Variants in SRRM1 observed in about 807,000 individuals in gnomAD.
The protein encoded by SRRM1 is serine and arginine repetitive matrix 1.
In SRRM1, 19 loss-of-function variants were observed where a neutral mutation model predicts 110.2. The ratio of observed to expected loss-of-function variants is 0.17; its 90% CI spans 0.12 to 0.25. SRRM1 has a LOEUF of 0.25. Ranked by LOEUF, SRRM1 falls within the 10% of genes least tolerant of loss-of-function variation. The pLI is 1.00. For synonymous variants in SRRM1, 443 were observed against 414.9 expected (o/e 1.07, Z -0.82); for missense variants, 918 against 1,145.8 (o/e 0.80, Z 2.87).
At chr1:24,646,913 G>T (rs1657995635) in intron 3 of SRRM1, 124 bp downstream of exon 3, 3 of 791,160 alleles carry the variant, frequency 3.8e-6, no homozygotes, top group Non-Finnish European at 5.7e-6. Context: ...GTTGTGAAAA[G>T]AATTCACTTT....
chr1:24,661,954 C>T (rs111772787), intron 11 of SRRM1, among the ~76,000 whole-genome samples: 5,301 of 152,052 alleles, frequency 0.035, 284 homozygotes, highest in African/African-American at 0.12. Flanking sequence ...GGCATAGTGG[C>T]GCACACCTGT....
At position 24,650,051 on chromosome 1, in the gene SRRM1, C is replaced by G. The variant is rs1659727288; in HGVS notation, c.486C>G (p.Ser162Arg). 6.3e-7 allele frequency: 1 copy of G among 1,590,878 alleles called. No homozygotes were observed. Among genetic ancestry groups the G allele is most frequent in the African/African-American group, 1.3e-5 (1 of 74,078 alleles). ...DKRDKEEKES[S>R]REKRERSRSP... ...GAGATAAGGAAGAAAAAGAAAGCAG[C>G]AGAGAAAAAAGGGAGCGGTCTCGTA... The change falls in exon 5 of 17, where the codon AGC (serine) becomes AGG (arginine). Residue 162 changes from serine to arginine, a missense_variant. By Grantham distance (110) the Ser-to-Arg change is moderately radical. Around this residue, in one of 5 missense-constraint regions of SRRM1, gnomAD observed 456 missense variants for 453.5 expected, o/e 1.01. Coordinates refer to ENST00000323848, the MANE Select transcript of SRRM1 (RefSeq NM_005839.4).
At chr1:24,644,313 G>C (rs1411429482) in intron 1 of SRRM1, among the ~76,000 whole-genome samples, 2 of 152,190 alleles carry the variant, frequency 1.3e-5, no homozygotes, top group Non-Finnish European at 2.9e-5. Context: ...CACAGGACTA[G>C]AGTTGAGCAC....
Position 24,650,014 on chromosome 1 carries a change from A to G in SRRM1, c.449A>G (p.Asp150Gly), listed in dbSNP as rs1439722378. ...KLASMKKQDE[D>G]KDKRDKEEKE... ...GCATCTATGAAAAAGCAAGATGAAG[A>G]CAAAGATAAAAGAGATAAGGAAGAA... is the stretch of plus-strand genomic sequence containing the variant. The change falls in exon 5 of 17, where the codon GAC becomes GGC. Residue 150 changes from aspartate (D) to glycine (G), a missense_variant. Coordinates refer to ENST00000323848, the MANE Select transcript of SRRM1 (RefSeq NM_005839.4). 1 of 1,597,744 alleles carries G rather than the reference A, an allele frequency of 6.3e-7. No individual in the cohort carries two copies. Among genetic ancestry groups the G allele is most frequent in the Admixed American group, 1.7e-5 (1 of 57,398 alleles).
Position 24,673,193 on chromosome 1 carries a change from T to G in SRRM1, c.*907T>G, listed in dbSNP as rs1002032260. The G allele has an allele frequency of 1.4e-5, 2 of 138,266 alleles. No individual in the cohort carries two copies. Among genetic ancestry groups the G allele is most frequent in the East Asian group, 2.2e-4 (1 of 4,520 alleles). The allele number at this position is 138,266 out of a possible 1,614,324, so 8.6% of individuals were successfully genotyped here. On this transcript the variant is annotated 3_prime_UTR_variant, in exon 17 of 17. Coordinates refer to ENST00000323848, the MANE Select transcript of SRRM1 (RefSeq NM_005839.4). The stretch of plus-strand genomic sequence containing the variant: ...TCACTGTTTTTGTTTTGATTTTTTT[T>G]TTGTTTTGATTTTTTTTAAACTAAA...
rs139001382 is a variant in SRRM1, at chr1:24,669,140, C to A, written c.1757C>A (p.Pro586Gln). 5.0e-6 allele frequency: 8 copies of A among 1,607,678 alleles called. No homozygotes were observed. Among genetic ancestry groups the A allele is most frequent in the South Asian group, 2.2e-5 (2 of 90,940 alleles). The change falls in exon 14 of 17, where the codon CCA becomes CAA. Residue 586 changes from proline (P) to glutamine (Q), a missense_variant. Transcript: ENST00000323848. Reference sequence around the variant, plus strand: ...TTTCCTAGGACTCCTTCTCCTCCCCCACGTCGGCGCTCACCTTCTCCTAGA... The same window carrying A: ...TTTCCTAGGACTCCTTCTCCTCCCCAACGTCGGCGCTCACCTTCTCCTAGA... ...PPRRRTPSPPPRRRSPSPRRY... is the reference protein window; with the variant it reads ...PPRRRTPSPPQRRRSPSPRRY...
rs1368330462 is a variant in SRRM1, at chr1:24,670,303, A to G, written c.2388A>G (p.Pro796=). ...AGGCCAAAAGCCCAACACCGAGCCC[A>G]TCACCGCCAAGAGTATGTGTCTGCC... ...VKKAKSPTPS[P]SPPRNSDQEG... is the part of the protein sequence containing the mutation. Residue 796 remains proline (P), a synonymous_variant, in exon 15 of 17, where the codon CCA becomes CCG. Coordinates refer to ENST00000323848, the MANE Select transcript of SRRM1 (RefSeq NM_005839.4). 1.9e-6 allele frequency: 3 copies of G among 1,611,992 alleles called. No homozygotes were observed. The highest frequency in any genetic ancestry group is 2.5e-6 in the Non-Finnish European group (3 of 1,179,330).
At chr1:24,651,294 A>G in intron 5 of SRRM1, 115 bp from the exon 6 acceptor site, 1 of 797,908 alleles carries the variant, frequency 1.3e-6, no homozygotes, top group South Asian at 1.8e-5. Flanking sequence ...TCCATAGGGA[A>G]ACATCTCAGA....
At chr1:24,653,805 G>A (rs182192636) in intron 8 of SRRM1, among the ~76,000 whole-genome samples, 11 of 152,306 alleles carry the variant, frequency 7.2e-5, no homozygotes, top group East Asian at 1.9e-4. Context: ...AAGAAATGCC[G>A]ATGATTAAGC....
Position 24,646,039 on chromosome 1 carries a change from A to G in SRRM1, c.77A>G (p.Lys26Arg). ...RFSNKQKKLLKQLKFAECLEK... is the reference protein window; with the variant it reads ...RFSNKQKKLLRQLKFAECLEK... ...AGCAACAAACAGAAGAAACTACTGA[A>G]GCAGCTGAAATTTGCAGAATGCCTA... The change falls in exon 2 of 17, where the codon AAG becomes AGG. Residue 26 changes from lysine to arginine, a missense_variant. Around this residue, in one of 5 missense-constraint regions of SRRM1, gnomAD observed 38 missense variants for 144.5 expected, o/e 0.26. Transcript: ENST00000323848. The G allele has an allele frequency of 6.2e-7, 1 of 1,613,524 alleles. No homozygotes were observed. Among genetic ancestry groups the G allele is most frequent in the Non-Finnish European group, 8.5e-7 (1 of 1,179,916 alleles).
intron 9 of SRRM1, among the ~76,000 whole-genome samples, chr1:24,658,291 A>G (rs1570901390): frequency 1.3e-5 from 2 of 150,348 alleles, no homozygotes; most frequent in South Asian, 4.2e-4. Flanking sequence ...GCTCACTGCA[A>G]CCTCTGCCTC....
rs1418394756 is a variant in SRRM1, at chr1:24,662,687, A to T, written c.1511A>T (p.Asp504Val). The part of the protein sequence containing the change: ...SDSGSSSSSE[D>V]ERPKRSHVKN... ...TCTGGCTCCTCCTCCTCCTCAGAAG[A>T]TGAACGACCCAAGAGATCCCATGTG... is the stretch of plus-strand genomic sequence containing the variant. Residue 504 changes from aspartate (D) to valine (V), a missense_variant, in exon 12 of 17, where the codon GAT becomes GTT. By Grantham distance (152) the Asp-to-Val change is radical. This residue lies in a region of SRRM1 where 357 missense variants were observed against 402.9 expected (regional missense o/e 0.89). Transcript: ENST00000323848. 2 of 1,613,924 alleles carry T rather than the reference A, an allele frequency of 1.2e-6. No individual in the cohort carries two copies. Among genetic ancestry groups the T allele is most frequent in the African/African-American group, 1.3e-5 (1 of 74,904 alleles).
At chr1:24,646,133 T>C in intron 2 of SRRM1, 60 bp downstream of exon 2, 1 of 1,361,698 alleles carries the variant, frequency 7.3e-7, no homozygotes, top group Non-Finnish European at 1.0e-6. Context: ...ACTCAAGTTC[T>C]GGGGTTGTTT....
intron 12 of SRRM1, among the ~76,000 whole-genome samples, chr1:24,663,931 A>G (rs575993601): frequency 6.7e-6 from 1 of 148,462 alleles, no homozygotes; most frequent in African/African-American, 2.5e-5. Flanking sequence ...AAGCGAATGG[A>G]AGGCTTTGGC....
At position 24,672,986 on chromosome 1, in the gene SRRM1, C is replaced by G. The variant is rs1045297; in HGVS notation, c.*700C>G. 3.3e-5 allele frequency: 5 copies of G among 151,690 alleles called. No individual in the cohort carries two copies. Among genetic ancestry groups the G allele is most frequent in the Non-Finnish European group, 7.4e-5 (5 of 67,946 alleles). 9.4% of individuals were successfully genotyped at this position (151,690 alleles called of 1,614,324 possible). A position where few individuals can be genotyped will look rare whatever the true frequency, so the allele number is the denominator to read the frequency against. On this transcript the variant is annotated 3_prime_UTR_variant, in exon 17 of 17. Coordinates refer to ENST00000323848, the MANE Select transcript of SRRM1 (RefSeq NM_005839.4). ...TTGTTTTTTTTGTTTTGTTTTTTTT[C>G]TTTTGTAAAGGCAATGAGCTAGTCC...
intron 6 of SRRM1, 88 bp from the exon 7 acceptor site, chr1:24,652,346 A>G: frequency 2.0e-6 from 2 of 975,818 alleles, no homozygotes; most frequent in South Asian, 4.5e-5. Context: ...GAAAAGTTTT[A>G]GAAATACTTT....
chr1:24,643,931 T>TTGATATCCCTTCAGGGATATCAGGGAG (rs1655562057), intron 1 of SRRM1, among the ~76,000 whole-genome samples: 1 of 151,950 alleles, frequency 6.6e-6, no homozygotes, highest in South Asian at 2.1e-4. Context: ...CCCGCCCAAT[T>TTGATATCCCTTCAGGGATATCAGGGAG]TGATATCCCT....
At chr1:24,662,546 C>A (rs1387790352) in intron 11 of SRRM1, 114 bp from the exon 12 acceptor site, 25 of 868,856 alleles carry the variant, frequency 2.9e-5, no homozygotes, top group Non-Finnish European at 4.1e-5. Context: ...GAACTGATGG[C>A]CTGTATACAT....
chr1:24,646,044 C>A lies in SRRM1; in HGVS notation c.82C>A (p.Leu28Met). The A allele has an allele frequency of 6.2e-7, 1 of 1,613,334 alleles. No individual in the cohort carries two copies. The highest frequency in any genetic ancestry group is 8.5e-7 in the Non-Finnish European group (1 of 1,179,842). ...CAAACAGAAGAAACTACTGAAGCAGCTGAAATTTGCAGAATGCCTAGAAAA... is the reference window on the plus strand; with the variant it reads ...CAAACAGAAGAAACTACTGAAGCAGATGAAATTTGCAGAATGCCTAGAAAA... ...SNKQKKLLKQ[L>M]KFAECLEKKV... Residue 28 changes from leucine (L) to methionine (M), a missense_variant, in exon 2 of 17, where the codon CTG becomes ATG. Leu to Met is a conservative substitution (Grantham distance 15). Coordinates refer to ENST00000323848, the MANE Select transcript of SRRM1 (RefSeq NM_005839.4).
Sources: allele counts gnomAD v4.1 joint callset (sites outside exome capture counted in the v4.1 genomes callset), GRCh38; gene constraint gnomAD v4.1.1; regional missense constraint gnomAD v4.1.1; transcripts MANE v1.5; gene names NCBI Gene and HGNC (gene_info 2026-07-23, HGNC 2026-07-21).